PPFIA4: variants seen among roughly 807,000 people sequenced by gnomAD.
PPFIA4 encodes liprin-alpha-4.
Under a neutral mutation model 145.7 loss-of-function variants are expected in PPFIA4, and 98 were observed. The ratio of observed to expected loss-of-function variants is 0.67; its 90% CI spans 0.57 to 0.80. The LOEUF (loss-of-function observed/expected upper bound fraction) is 0.80. Among genes scored for constraint, PPFIA4 ranks in the 30% least tolerant of loss-of-function variants. The probability of loss-of-function intolerance (pLI) is 0.00; values close to 1 mark genes in which losing one functional copy is unlikely to be tolerated. For missense variants in PPFIA4, 1,457 were observed against 1,632.7 expected, an observed-to-expected ratio of 0.89 and a Z score of 1.85; for synonymous variants, 628 against 649.6, an observed-to-expected ratio of 0.97 and a Z score of 0.51.
At chr1:203,051,596 C>G in intron 13 of PPFIA4, 173 bp from the exon 14 acceptor site, 1 of 1,260,644 alleles carries the variant, frequency 7.9e-7, no homozygotes, top group Non-Finnish European at 1.1e-6. Context: ...CCAGGGCATA[C>G]GTCTGCTCTC....
intron 4 of PPFIA4, 109 bp from the exon 5 acceptor site, chr1:203,044,270 G>A (rs1659907216): frequency 6.7e-6 from 8 of 1,188,330 alleles, no homozygotes; most frequent in Non-Finnish European, 9.5e-6. Context: ...CTGCTTAGTA[G>A]GCCCTTCACT....
intron 13 of PPFIA4, chr1:203,051,231 C>A (rs563511476): frequency 1.0e-6 from 1 of 985,374 alleles, no homozygotes; most frequent in South Asian, 4.7e-5. Flanking sequence ...CCTAAAGCTT[C>A]CTAGGCATAG....
chr1:203,068,945 C>T lies in PPFIA4; in HGVS notation c.3324+317C>T, dbSNP rs887579352. 6.6e-6 allele frequency among the ~76,000 whole-genome samples: 1 copy of T among 152,164 alleles called. No homozygotes were observed. Among genetic ancestry groups the T allele is most frequent in the Non-Finnish European group, 1.5e-5 (1 of 68,028 alleles). ...CTAACCCCACTTCATAGCTGAGACT[C>T]TGAGCCTTCCTTTTCATCCTGCTTC... On this transcript the variant is annotated intron_variant, in intron 27 of 29. Coordinates refer to ENST00000295706, the MANE Select transcript of PPFIA4 (RefSeq NM_001304331.2). The surrounding 1 kb of genome is among the most constrained non-coding windows in gnomAD (Gnocchi z 4.7).
At chr1:203,035,082 G>A (rs757665296) in intron 1 of PPFIA4, among the ~76,000 whole-genome samples, 21 of 152,314 alleles carry the variant, frequency 1.4e-4, no homozygotes, top group Non-Finnish European at 1.9e-4. Flanking sequence ...CAGCTCTGGC[G>A]ACCATTATTT....
Position 203,075,721 on chromosome 1 carries a change from C to A in PPFIA4, c.3538C>A (p.Pro1180Thr), listed in dbSNP as rs746416303. Residue 1180 changes from proline (P) to threonine (T), a missense_variant, in exon 29 of 30, where the codon CCC becomes ACC. This residue lies in a region of PPFIA4 where 146 missense variants were observed against 126.2 expected (regional missense o/e 1.16). Coordinates refer to ENST00000295706, the MANE Select transcript of PPFIA4 (RefSeq NM_001304331.2). This position sits in a 1 kb window ranked among gnomAD's most constrained non-coding sequence, Gnocchi z 4.1. ...TGTGTCCACCCTGGGGACCCTGCAGCCCCCACCGGCCCCGCCAAAGAAGAT... is the reference window on the plus strand; with the variant it reads ...TGTGTCCACCCTGGGGACCCTGCAGACCCCACCGGCCCCGCCAAAGAAGAT... Reference protein sequence around the residue: ...FRVSTLGTLQPPPAPPKKIMP... With the variant: ...FRVSTLGTLQTPPAPPKKIMP... 1.4e-6 allele frequency: 2 copies of A among 1,392,680 alleles called. No homozygotes were observed. The highest frequency in any genetic ancestry group is 1.7e-5 in the South Asian group (1 of 60,558). The allele number at this position is 1,392,680 out of a possible 1,614,324, so 86.3% of individuals were successfully genotyped here.
At chr1:203,047,295 G>A (rs1654674074) in intron 9 of PPFIA4, among the ~76,000 whole-genome samples, 2 of 152,110 alleles carry the variant, frequency 1.3e-5, no homozygotes, top group Non-Finnish European at 2.9e-5. Context: ...CTGGGCCTCA[G>A]TGTCCTTATC....
intron 24 of PPFIA4, among the ~76,000 whole-genome samples, chr1:203,062,501 AAAAAAGAT>A (rs1661451737): frequency 6.6e-6 from 1 of 151,098 alleles, no homozygotes; most frequent in African/African-American, 2.4e-5. Flanking sequence ...AAAAAAAAAA[AAAAAAGAT>A]AGTCTCAATA....
chr1:203,044,843 A>AG, intron 6 of PPFIA4, 58 bp downstream of exon 6: 1 of 1,449,532 alleles, frequency 6.9e-7, no homozygotes, highest in Non-Finnish European at 9.5e-7. Flanking sequence ...GGGAGGTTGG[A>AG]GGCCCGGCTC....
In PPFIA4 at chr1:203,059,765, A is replaced by G. The variant is rs780778847; in HGVS notation, c.2502-5A>G. The G allele has an allele frequency of 1.2e-4, 190 of 1,612,764 alleles. 1 individual carries two copies. Among genetic ancestry groups the G allele is most frequent in the South Asian group, 8.6e-4 (78 of 90,790 alleles). On this transcript the variant is annotated splice_region_variant and splice_polypyrimidine_tract_variant and intron_variant, in intron 20 of 29. Transcript: ENST00000295706. ...TAGTGAGTCTGTTGTTCCTCTTCCTATAAGACACCAGCTGCTTGAAGATGC... is the reference window on the plus strand; with the variant it reads ...TAGTGAGTCTGTTGTTCCTCTTCCTGTAAGACACCAGCTGCTTGAAGATGC...
Position 203,068,633 on chromosome 1 carries a change from G to GCAGCCTTT in PPFIA4, c.3324+6_3324+13dup. The GCAGCCTTT allele has an allele frequency of 6.6e-7, 1 of 1,506,588 alleles. No individual in the cohort carries two copies. Among genetic ancestry groups the GCAGCCTTT allele is most frequent in the Non-Finnish European group, 8.8e-7 (1 of 1,130,426 alleles). The allele number at this position is 1,506,588 out of a possible 1,614,324, so 93.3% of individuals were successfully genotyped here. On this transcript the variant is annotated splice_donor_region_variant and intron_variant, in intron 27 of 29. Transcript: ENST00000295706. The surrounding 1 kb of genome is among the most constrained non-coding windows in gnomAD (Gnocchi z 4.7). Reference sequence around the variant, plus strand: ...ATCCCCACACAGAACACCCAGGTGGGCAGCCTTTTAATCAGTCAACTTGAG... The same window carrying GCAGCCTTT: ...ATCCCCACACAGAACACCCAGGTGGGCAGCCTTTCAGCCTTTTAATCAGTCAACTTGAG...
rs2102644090 is a variant in PPFIA4, at chr1:203,048,995, C to T, written c.1419+15C>T. On this transcript the variant is annotated intron_variant, in intron 12 of 29. Transcript: ENST00000295706. This position sits in a 1 kb window ranked among gnomAD's most constrained non-coding sequence, Gnocchi z 5.8. ...ACCACCACAAGGTACCCGGCTGCGGCCAGCCCCGCCCAGCCTGGGAGGGCC... is the reference window on the plus strand; with the variant it reads ...ACCACCACAAGGTACCCGGCTGCGGTCAGCCCCGCCCAGCCTGGGAGGGCC... The T allele has an allele frequency of 1.3e-6, 2 of 1,546,372 alleles. No homozygotes were observed. Among genetic ancestry groups the T allele is most frequent in the Middle Eastern group, 4.2e-4 (2 of 4,726 alleles).
intron 1 of PPFIA4, among the ~76,000 whole-genome samples, chr1:203,032,549 A>C (rs1055318741): frequency 1.3e-5 from 2 of 150,900 alleles, no homozygotes; most frequent in Non-Finnish European, 2.9e-5. Context: ...CTCCCACTTC[A>C]GCCTCCTGAG....
Position 203,048,581 on chromosome 1 carries a change from A to G in PPFIA4, c.1225-2A>G. On this transcript the variant is annotated splice_acceptor_variant, in intron 10 of 29. Transcript: ENST00000295706. LOFTEE classifies it high-confidence loss of function. This position sits in a 1 kb window ranked among gnomAD's most constrained non-coding sequence, Gnocchi z 5.8. ...CCTGGTGCGAGGCAGACGGCTGTGC[A>G]GGTGCGCCAGCGGGAAAAGATGAAT... 6.3e-7 allele frequency: 1 copy of G among 1,577,236 alleles called. No individual in the cohort carries two copies.
chr1:203,037,674 C>T (rs765343011), intron 1 of PPFIA4, among the ~76,000 whole-genome samples: 2 of 152,208 alleles, frequency 1.3e-5, no homozygotes, highest in Admixed American at 1.3e-4. Context: ...CCAGGCTCAA[C>T]GTATCAGCAG....
At chr1:203,058,923 A>C (rs932034291) in intron 19 of PPFIA4, among the ~76,000 whole-genome samples, 1 of 152,160 alleles carries the variant, frequency 6.6e-6, no homozygotes, top group African/African-American at 2.4e-5. Context: ...ACTTGGGTCC[A>C]TCTGGCTGGA....
chr1:203,035,457 G>T, intron 1 of PPFIA4: 1 of 422,608 alleles, frequency 2.4e-6, no homozygotes, highest in East Asian at 7.3e-5. Flanking sequence ...TACCTCTTTT[G>T]TGTTTCTAAA....
intron 19 of PPFIA4, among the ~76,000 whole-genome samples, chr1:203,058,284 G>T (rs1661117169): frequency 6.6e-6 from 1 of 151,996 alleles, no homozygotes. Flanking sequence ...ACAGGGAGAG[G>T]TCTGTGTGTG....
intron 24 of PPFIA4, among the ~76,000 whole-genome samples, chr1:203,062,479 CAAAAAAAA>C (rs34987795): frequency 4.0e-4 from 14 of 35,362 alleles, no homozygotes; most frequent in African/African-American, 6.5e-4. Context: ...GACTCCGTCT[CAAAAAAAA>C]AAAAAAAAAA....
At position 203,056,519 on chromosome 1, in the gene PPFIA4, C is replaced by T; in HGVS notation, c.2240+11C>T. The T allele has an allele frequency of 1.2e-6, 2 of 1,611,852 alleles. No homozygotes were observed. Among genetic ancestry groups the T allele is most frequent in the South Asian group, 2.2e-5 (2 of 90,682 alleles). ...GGAAGAAGGCAAGAGGTAAGTAGAG[C>T]AGACCCCACCTCCAGTCTCTCCATC... On this transcript the variant is annotated intron_variant, in intron 18 of 29. Coordinates refer to ENST00000295706, the MANE Select transcript of PPFIA4 (RefSeq NM_001304331.2).
Sources: gnomAD v4.1 joint callset for allele counts (sites outside exome capture counted in the v4.1 genomes callset) on GRCh38, gnomAD v4.1.1 for gene constraint, gnomAD v4.1.1 regional missense constraint, Gnocchi (gnomAD v3.1) non-coding constraint, MANE v1.5 for transcripts, NCBI Gene and HGNC (gene_info 2026-07-23, HGNC 2026-07-21) for gene names.